SLCO5A1: variants seen among roughly 807,000 people sequenced by gnomAD.
The protein encoded by SLCO5A1 is solute carrier organic anion transporter family member 5A1, also known as organic anion transporter polypeptide-related protein 4.
Under a neutral mutation model 65.1 loss-of-function variants are expected in SLCO5A1, and 39 were observed. The observed-to-expected ratio is 0.60, with a 90% confidence interval of 0.46 to 0.78. The LOEUF (loss-of-function observed/expected upper bound fraction) is 0.78. Ranked by LOEUF, SLCO5A1 falls within the 30% of genes least tolerant of loss-of-function variation. The probability of loss-of-function intolerance (pLI) is 0.00; values close to 1 mark genes in which losing one functional copy is unlikely to be tolerated. For missense variants in SLCO5A1, 1,029 were observed against 1,069.4 expected, an observed-to-expected ratio of 0.96 and a Z score of 0.53; for synonymous variants, 438 against 415.7, an observed-to-expected ratio of 1.05 and a Z score of -0.65.
intron 4 of SLCO5A1, among the ~76,000 whole-genome samples, chr8:69,750,612 G>T (rs1817250648): frequency 6.6e-6 from 1 of 152,030 alleles, no homozygotes; most frequent in Non-Finnish European, 1.5e-5. Flanking sequence ...TCTGGCCTTT[G>T]CTCTCTCTGC....
intron 2 of SLCO5A1, among the ~76,000 whole-genome samples, chr8:69,822,332 A>G (rs779439502): frequency 6.6e-6 from 1 of 152,174 alleles, no homozygotes; most frequent in Non-Finnish European, 1.5e-5. Context: ...GCAAATATGC[A>G]TTACTTAAAT....
At chr8:69,708,796 C>T (rs187887682) in intron 5 of SLCO5A1, among the ~76,000 whole-genome samples, 1 of 151,696 alleles carries the variant, frequency 6.6e-6, no homozygotes, top group Non-Finnish European at 1.5e-5. Context: ...CTCAGTTACT[C>T]CGGAGACTGA....
At chr8:69,807,925 G>A (rs539949988) in intron 2 of SLCO5A1, among the ~76,000 whole-genome samples, 5 of 151,934 alleles carry the variant, frequency 3.3e-5, no homozygotes, top group African/African-American at 1.2e-4. Flanking sequence ...GGATGGTCTC[G>A]ATCTCCTGAC....
At chr8:69,723,114 A>G (rs1432614406) in intron 5 of SLCO5A1, among the ~76,000 whole-genome samples, 2 of 152,202 alleles carry the variant, frequency 1.3e-5, no homozygotes, top group Non-Finnish European at 2.9e-5. Context: ...TTTCAGCTAT[A>G]TTGAAGTATT....
At chr8:69,797,492 G>A (rs1421210990) in intron 2 of SLCO5A1, among the ~76,000 whole-genome samples, 7 of 152,196 alleles carry the variant, frequency 4.6e-5, no homozygotes, top group South Asian at 2.1e-4. Flanking sequence ...TGAGCTGGGC[G>A]GAACAGAGCC....
At chr8:69,724,893 C>T (rs1815994933) in intron 5 of SLCO5A1, among the ~76,000 whole-genome samples, 1 of 152,128 alleles carries the variant, frequency 6.6e-6, no homozygotes, top group Non-Finnish European at 1.5e-5. Flanking sequence ...TGAATTCACA[C>T]CTGTGTCTTT....
intron 2 of SLCO5A1, among the ~76,000 whole-genome samples, chr8:69,825,893 C>G (rs1391173213): frequency 6.6e-6 from 1 of 152,196 alleles, no homozygotes; most frequent in Non-Finnish European, 1.5e-5. Context: ...TACAAGCCTA[C>G]AGTAACCAAA....
At chr8:69,795,693 C>T (rs1819460910) in intron 2 of SLCO5A1, among the ~76,000 whole-genome samples, 1 of 152,220 alleles carries the variant, frequency 6.6e-6, no homozygotes, top group African/African-American at 2.4e-5. Flanking sequence ...TGGCCCTCTT[C>T]TCACAGCTCC....
At chr8:69,685,728 A>G (rs1813974389) in intron 6 of SLCO5A1, among the ~76,000 whole-genome samples, 1 of 152,158 alleles carries the variant, frequency 6.6e-6, no homozygotes, top group African/African-American at 2.4e-5. Context: ...ATGGGAAACT[A>G]TAAGAGGTAT....
intron 2 of SLCO5A1, among the ~76,000 whole-genome samples, chr8:69,804,407 G>T (rs150121840): frequency 6.6e-6 from 1 of 152,032 alleles, no homozygotes; most frequent in South Asian, 2.1e-4. Context: ...TCCACCTTCC[G>T]AGTTCAAGCA....
At chr8:69,720,122 A>G (rs1563682040) in intron 5 of SLCO5A1, among the ~76,000 whole-genome samples, 1 of 152,216 alleles carries the variant, frequency 6.6e-6, no homozygotes, top group Non-Finnish European at 1.5e-5. Flanking sequence ...GACCTTATTT[A>G]TTCTTGGTTT....
intron 2 of SLCO5A1, among the ~76,000 whole-genome samples, chr8:69,795,790 A>C (rs1051372458): frequency 1.3e-5 from 2 of 152,210 alleles, no homozygotes; most frequent in Non-Finnish European, 2.9e-5. Flanking sequence ...GGTCTCCATG[A>C]GGGCTCCGAC....
chr8:69,777,490 G>A (rs1563718359), intron 2 of SLCO5A1, among the ~76,000 whole-genome samples: 1 of 127,132 alleles, frequency 7.9e-6, no homozygotes, highest in Non-Finnish European at 1.6e-5. Flanking sequence ...TGTGGTGATG[G>A]CTTCACTGGG....
intron 6 of SLCO5A1, among the ~76,000 whole-genome samples, chr8:69,683,105 G>A (rs1184443295): frequency 6.6e-6 from 1 of 152,102 alleles, no homozygotes; most frequent in Non-Finnish European, 1.5e-5. Flanking sequence ...CAAATATAGA[G>A]GGAAGGAAAG....
chr8:69,682,116 G>A (rs112198401), intron 7 of SLCO5A1, 68 bp downstream of exon 7: 8 of 1,505,622 alleles, frequency 5.3e-6, no homozygotes, highest in Non-Finnish European at 7.2e-6. Flanking sequence ...TAGCTGCATA[G>A]GAATTTCATC....
chr8:69,783,195 G>A (rs1256614194), intron 2 of SLCO5A1, among the ~76,000 whole-genome samples: 1 of 152,064 alleles, frequency 6.6e-6, no homozygotes, highest in Non-Finnish European at 1.5e-5. Context: ...ACTTTAAAAT[G>A]TCTTCAGATT....
chr8:69,794,721 A>G, intron 2 of SLCO5A1: 1 of 287,552 alleles, frequency 3.5e-6, no homozygotes, highest in Non-Finnish European at 7.0e-6. Flanking sequence ...TACTTGTTAT[A>G]TTAGTTCATT....
At chr8:69,813,413 T>A (rs568151071) in intron 2 of SLCO5A1, among the ~76,000 whole-genome samples, 1 of 152,362 alleles carries the variant, frequency 6.6e-6, no homozygotes, top group East Asian at 1.9e-4. Context: ...ATGCTCTTTA[T>A]TTTTAAGCAG....
At chr8:69,765,946 A>C (rs987313514) in intron 2 of SLCO5A1, among the ~76,000 whole-genome samples, 1 of 152,190 alleles carries the variant, frequency 6.6e-6, no homozygotes, top group African/African-American at 2.4e-5. Flanking sequence ...CTATTCTAGC[A>C]GCCCTCACAC....
Sources: gnomAD v4.1 joint callset for allele counts (sites outside exome capture counted in the v4.1 genomes callset) on GRCh38, gnomAD v4.1.1 for gene constraint, MANE v1.5 for transcripts, NCBI Gene and HGNC (gene_info 2026-07-23, HGNC 2026-07-21) for gene names.